Variants in DLG2 observed in about 807,000 individuals in gnomAD.
The protein encoded by DLG2 is disks large homolog 2.
In DLG2, 45 loss-of-function variants were observed where a neutral mutation model predicts 132.5. The observed-to-expected ratio is 0.34, with a 90% CI of 0.27 to 0.44. The LOEUF is 0.44. Ranked by LOEUF, DLG2 falls within the 20% of genes least tolerant of loss-of-function variation. The pLI, the probability that DLG2 is intolerant of heterozygous loss-of-function variation, is 1.00. For synonymous variants in DLG2, 424 were observed against 419.6 expected (o/e 1.01, Z -0.13); for missense variants, 1,045 against 1,196.9 (o/e 0.87, Z 1.87).
intron 6 of DLG2, chr11:85,020,969 G>A (rs1013918568): frequency 2.7e-5 from 21 of 777,824 alleles, no homozygotes; most frequent in Non-Finnish European, 4.3e-5. Context: ...CTTTCTTCAC[G>A]GAGCTGCTGC....
At chr11:85,005,951 C>G (rs190890625) in intron 6 of DLG2, among the ~76,000 whole-genome samples, 264 of 152,274 alleles carry the variant, frequency 1.7e-3, no homozygotes, top group African/African-American at 6.2e-3. Flanking sequence ...TGAATTTTAT[C>G]GAAGGCCTTT....
intron 3 of DLG2, among the ~76,000 whole-genome samples, chr11:85,422,221 G>T (rs117885748): frequency 0.035 from 5,322 of 152,174 alleles, 141 homozygotes; most frequent in Admixed American, 0.051. Context: ...CCTGTATTTG[G>T]ATGTCTAGGT....
At chr11:84,637,236 T>C (rs1452305901) in intron 6 of DLG2, among the ~76,000 whole-genome samples, 2 of 151,588 alleles carry the variant, frequency 1.3e-5, no homozygotes, top group Admixed American at 6.6e-5. Flanking sequence ...TTACAAAGAG[T>C]TTCCCTTACA....
At chr11:85,603,896 T>C (rs2080340411) in intron 2 of DLG2, among the ~76,000 whole-genome samples, 1 of 152,138 alleles carries the variant, frequency 6.6e-6, no homozygotes, top group East Asian at 1.9e-4. Context: ...CAGCCTGGGC[T>C]ACAGAGTGAG....
intron 18 of DLG2, among the ~76,000 whole-genome samples, chr11:83,649,869 C>G (rs187869096): frequency 2.0e-5 from 3 of 152,154 alleles, no homozygotes; most frequent in African/African-American, 7.2e-5. Flanking sequence ...CCTTAATTTT[C>G]AAGTCTCCAT....
intron 3 of DLG2, among the ~76,000 whole-genome samples, chr11:85,407,422 C>A (rs1046501570): frequency 6.6e-6 from 1 of 151,744 alleles, no homozygotes; most frequent in African/African-American, 2.4e-5. Flanking sequence ...AACTCAACTA[C>A]ATACCCAAGC....
At chr11:85,396,799 T>G (rs181922745) in intron 3 of DLG2, among the ~76,000 whole-genome samples, 23 of 152,272 alleles carry the variant, frequency 1.5e-4, no homozygotes, top group African/African-American at 4.8e-4. Context: ...AATATATGTT[T>G]GATTGGTGTA....
At chr11:83,488,660 A>AGTAAAT (rs1324511862) in intron 21 of DLG2, among the ~76,000 whole-genome samples, 1 of 152,012 alleles carries the variant, frequency 6.6e-6, no homozygotes, top group African/African-American at 2.4e-5. Flanking sequence ...ATGTCATCTT[A>AGTAAAT]GTAATACAGG....
At chr11:84,356,293 A>G (rs1019519789) in intron 7 of DLG2, among the ~76,000 whole-genome samples, 1 of 152,118 alleles carries the variant, frequency 6.6e-6, no homozygotes, top group African/African-American at 2.4e-5. Context: ...ATTCACAAAC[A>G]TTTACTGAGT....
chr11:84,934,504 GTTTTTTTTTTGTTTTGTTTTGTTTTTTTT>G lies in DLG2; in HGVS notation c.357+177128_357+177156del, dbSNP rs1356457650. Among the ~76,000 whole-genome samples the G allele has an allele frequency of 2.3e-3, 78 of 33,888 alleles. 4 individuals carry two copies. The highest frequency in any genetic ancestry group is 0.013 in the African/African-American group (73 of 5,762). The allele number at this position is 33,888 out of a possible 152,430, so 22.2% of individuals were successfully genotyped here. The stretch of plus-strand genomic sequence containing the variant: ...TCTGTGAATCTGTATGGTCCTGGGT[GTTTTTTTTTTGTTTTGTTTTGTTTTTTTT>G]TTTTTTTTTTTTTGGTGGGTAGGCT... On this transcript the variant is annotated intron_variant, in intron 6 of 27. Coordinates refer to ENST00000376104, the MANE Select transcript of DLG2 (RefSeq NM_001142699.3).
At chr11:83,870,121 C>G (rs1016124798) in intron 16 of DLG2, among the ~76,000 whole-genome samples, 11 of 152,152 alleles carry the variant, frequency 7.2e-5, no homozygotes, top group Non-Finnish European at 1.3e-4. Flanking sequence ...ATGCTTTTAA[C>G]CATTTCAGCT....
In DLG2 at chr11:84,453,770, C is replaced by T. The variant is rs375278581; in HGVS notation, c.519+80800G>A. 3.3e-5 allele frequency among the ~76,000 whole-genome samples: 5 copies of T among 151,688 alleles called. No homozygotes were observed. In the East Asian group the frequency reaches 7.8e-4, roughly 24 times the overall value. On this transcript the variant is annotated intron_variant, in intron 7 of 27. Transcript: ENST00000376104. ...ACACTCAACCAACAATGGCACATTC[C>T]GCATGCAAGCCAAAATCTAACTCAG...
intron 7 of DLG2, among the ~76,000 whole-genome samples, chr11:84,369,410 A>G (rs143036091): frequency 0.011 from 1,705 of 152,252 alleles, 29 homozygotes; most frequent in African/African-American, 0.038. Context: ...GCATTAAAAT[A>G]CTTAATTTAT....
intron 7 of DLG2, among the ~76,000 whole-genome samples, chr11:84,340,482 T>C (rs1328137344): frequency 6.6e-6 from 1 of 152,192 alleles, no homozygotes; most frequent in Admixed American, 6.5e-5. Context: ...AGATACTACA[T>C]ACTTACCTAG....
intron 3 of DLG2, among the ~76,000 whole-genome samples, chr11:85,497,562 C>A (rs1163302462): frequency 6.6e-6 from 1 of 152,092 alleles, no homozygotes; most frequent in Non-Finnish European, 1.5e-5. Context: ...CATTCAAATT[C>A]AGGAAATACA....
chr11:84,461,494 A>T (rs1486510762), intron 7 of DLG2, among the ~76,000 whole-genome samples: 3 of 151,200 alleles, frequency 2.0e-5, no homozygotes, highest in Non-Finnish European at 4.5e-5. Context: ...ATGCTTTCCG[A>T]TAATTTTAAA....
At chr11:84,284,805 C>G (rs76948525) in intron 7 of DLG2, among the ~76,000 whole-genome samples, 11,108 of 152,228 alleles carry the variant, frequency 0.073, 513 homozygotes, top group Non-Finnish European at 0.1. Flanking sequence ...TGCCTCTCCC[C>G]CTACTTGCTT....
chr11:84,616,678 C>A lies in DLG2; in HGVS notation c.358-81947G>T, dbSNP rs1346333701. Among the ~76,000 whole-genome samples, 4 of 152,034 alleles carry A rather than the reference C, an allele frequency of 2.6e-5. No individual in the cohort carries two copies. The East Asian group carries it at 5.8e-4, about 22-fold the overall frequency. ...AAACCACTTAGGCTCAGAATTAGCA[C>A]CTCATCTAATGAAAAATGAATTGAT... On this transcript the variant is annotated intron_variant, in intron 6 of 27. Transcript: ENST00000376104.
intron 15 of DLG2, among the ~76,000 whole-genome samples, chr11:83,923,111 A>T (rs1429295065): frequency 6.6e-6 from 1 of 152,182 alleles, no homozygotes; most frequent in Non-Finnish European, 1.5e-5. Context: ...GTCTCAGCCC[A>T]AACAGCTTTC....
Sources: allele counts gnomAD v4.1 joint callset (sites outside exome capture counted in the v4.1 genomes callset), GRCh38; gene constraint gnomAD v4.1.1; transcripts MANE v1.5; gene names NCBI Gene and HGNC (gene_info 2026-07-23, HGNC 2026-07-21).